The following ARHGEF2 variants were observed in gnomAD, a reference collection of about 807,000 sequenced individuals.
ARHGEF2 encodes the protein rho guanine nucleotide exchange factor 2.
In ARHGEF2, 22 loss-of-function variants were observed where a neutral mutation model predicts 121.0. The observed-to-expected ratio is 0.18, with a 90% confidence interval of 0.13 to 0.26. The LOEUF (loss-of-function observed/expected upper bound fraction) is 0.26. ARHGEF2 is among the 10% of genes least tolerant of loss of function. The probability of loss-of-function intolerance (pLI) is 1.00; values close to 1 mark genes in which losing one functional copy is unlikely to be tolerated. For missense variants in ARHGEF2, 907 were observed against 1,336.0 expected (o/e 0.68, Z 5.01); for synonymous variants, 487 against 530.0 (o/e 0.92, Z 1.11).
chr1:155,947,761 G>A lies in ARHGEF2; in HGVS notation c.*181C>T, dbSNP rs553411847. On this transcript the variant is annotated 3_prime_UTR_variant, in exon 22 of 22. Transcript: ENST00000361247. ...GTAGCTTTCGGATGTCCCAGGGGGT[G>A]TTGTGGCCTAATTCCCCTAGCTTCT... 1.2e-4 allele frequency: 66 copies of A among 564,048 alleles called. No homozygotes were observed. The highest frequency in any genetic ancestry group is 1.8e-4 in the Non-Finnish European group (56 of 313,566). The allele number at this position is 564,048 out of a possible 1,614,324, so 34.9% of individuals were successfully genotyped here.
rs775829804 is a variant in ARHGEF2, at chr1:155,962,482, C to T, written c.1101+111G>A. On this transcript the variant is annotated intron_variant, in intron 9 of 21. Transcript: ENST00000361247. The surrounding 1 kb of genome is among the most constrained non-coding windows in gnomAD (Gnocchi z 5.8). ...AGGATCTGTGTATGGATGGTCTGCA[C>T]GGGTGGCGAATGCCTGACCTCCATG... is the stretch of plus-strand genomic sequence containing the variant. 3.3e-5 allele frequency: 49 copies of T among 1,468,376 alleles called. No homozygotes were observed. The Admixed American group carries it at 4.1e-4, about 12-fold the overall frequency. 91.0% of individuals were successfully genotyped at this position (1,468,376 alleles called of 1,614,324 possible).
At position 155,951,126 on chromosome 1, in the gene ARHGEF2, C is replaced by A; in HGVS notation, c.2406G>T (p.Thr802=). Residue 802 remains threonine, a synonymous_variant, in exon 20 of 22, where the codon ACG becomes ACT. Transcript: ENST00000361247. The surrounding 1 kb of genome is among the most constrained non-coding windows in gnomAD (Gnocchi z 5.1). ...AAPVAPEKQA[T]ELALLQRQHA... Reference sequence around the variant, plus strand: ...GTTGCCGCTGCAGTAATGCCAGTTCCGTGGCCTGCTTTTCAGGGGCCACAG... The same window carrying A: ...GTTGCCGCTGCAGTAATGCCAGTTCAGTGGCCTGCTTTTCAGGGGCCACAG... 1 of 1,604,488 alleles carries A rather than the reference C, an allele frequency of 6.2e-7. No homozygotes were observed. Among genetic ancestry groups the A allele is most frequent in the East Asian group, 2.2e-5 (1 of 44,566 alleles).
intron 1 of ARHGEF2, among the ~76,000 whole-genome samples, chr1:155,977,511 G>C (rs990039721): frequency 1.3e-5 from 2 of 152,164 alleles, no homozygotes; most frequent in Non-Finnish European, 2.9e-5. Context: ...GAATGAGAGC[G>C]CTGGGGGAGG....
intron 1 of ARHGEF2, among the ~76,000 whole-genome samples, chr1:155,973,516 C>T (rs1179871427): frequency 1.3e-5 from 2 of 152,062 alleles, no homozygotes; most frequent in Admixed American, 6.6e-5. Flanking sequence ...GAGGCCGAGG[C>T]GGGCAGATCA....
chr1:155,965,889 A>G lies in ARHGEF2; in HGVS notation c.341-129T>C. On this transcript the variant is annotated intron_variant, in intron 4 of 21. Coordinates refer to ENST00000361247, the MANE Select transcript of ARHGEF2 (RefSeq NM_001162383.2). This position sits in a 1 kb window ranked among gnomAD's most constrained non-coding sequence, Gnocchi z 6.0. ...ACCTCAGCCCCTCTAGTCAAGAAAG[A>G]TGGTAATGAGAATGCCACCTTACAT... 2 of 1,183,456 alleles carry G rather than the reference A, an allele frequency of 1.7e-6. No individual in the cohort carries two copies. The highest frequency in any genetic ancestry group is 1.1e-6 in the Non-Finnish European group (1 of 883,018). 73.3% of individuals were successfully genotyped at this position (1,183,456 alleles called of 1,614,324 possible). A position where few individuals can be genotyped will look rare whatever the true frequency, so the allele number is the denominator to read the frequency against.
In ARHGEF2 at chr1:155,946,877, C is replaced by T. The variant is rs937701139; in HGVS notation, c.*1065G>A. On this transcript the variant is annotated 3_prime_UTR_variant, in exon 22 of 22. Coordinates refer to ENST00000361247, the MANE Select transcript of ARHGEF2 (RefSeq NM_001162383.2). ...TATGGAGTTCCAGGTTTTTAATTTT[C>T]CCTGAATTTTTTTTTTAAACAACAA... 2 of 154,358 alleles carry T rather than the reference C, an allele frequency of 1.3e-5. No individual in the cohort carries two copies. Among genetic ancestry groups the T allele is most frequent in the Non-Finnish European group, 2.9e-5 (2 of 69,512 alleles). 9.6% of individuals were successfully genotyped at this position (154,358 alleles called of 1,614,324 possible). A position where few individuals can be genotyped will look rare whatever the true frequency, so the allele number is the denominator to read the frequency against.
At chr1:155,954,693 C>T (rs1676323108) in intron 14 of ARHGEF2, among the ~76,000 whole-genome samples, 1 of 151,092 alleles carries the variant, frequency 6.6e-6, no homozygotes, top group Admixed American at 6.7e-5. Context: ...GTAAGTTACT[C>T]ACCCAACCTT....
intron 11 of ARHGEF2, among the ~76,000 whole-genome samples, chr1:155,959,223 T>G (rs1677374930): frequency 6.6e-6 from 1 of 152,092 alleles, no homozygotes; most frequent in Non-Finnish European, 1.5e-5. Flanking sequence ...TACTTTTATT[T>G]TTTATTTATT....
At chr1:155,974,408 G>A (rs1680975262) in intron 1 of ARHGEF2, among the ~76,000 whole-genome samples, 1 of 152,192 alleles carries the variant, frequency 6.6e-6, no homozygotes, top group Non-Finnish European at 1.5e-5. Flanking sequence ...TACAGCAGAG[G>A]CGCCGTTGGC....
At chr1:155,976,060 C>A (rs1485715171) in intron 1 of ARHGEF2, among the ~76,000 whole-genome samples, 3 of 151,782 alleles carry the variant, frequency 2.0e-5, no homozygotes, top group Non-Finnish European at 4.4e-5. Flanking sequence ...GCAGGTTAAA[C>A]TTACATTCCT....
intron 1 of ARHGEF2, among the ~76,000 whole-genome samples, chr1:155,971,646 C>G (rs1023683477): frequency 6.6e-6 from 1 of 151,364 alleles, no homozygotes; most frequent in Non-Finnish European, 1.5e-5. Context: ...AACACCAAGT[C>G]CAAAAATCTC....
Position 155,950,755 on chromosome 1 carries a change from T to C in ARHGEF2, c.2703+74A>G. The C allele has an allele frequency of 7.0e-7, 1 of 1,425,022 alleles. No individual in the cohort carries two copies. The highest frequency in any genetic ancestry group is 9.5e-7 in the Non-Finnish European group (1 of 1,051,844). The allele number at this position is 1,425,022 out of a possible 1,614,324, so 88.3% of individuals were successfully genotyped here. ...ATTGCATTTGGGCTCAAATCCCCAATGGCCCAATTTCTTTCGGGCTCCATG... is the reference window on the plus strand; with the variant it reads ...ATTGCATTTGGGCTCAAATCCCCAACGGCCCAATTTCTTTCGGGCTCCATG... On this transcript the variant is annotated intron_variant, in intron 20 of 21. Coordinates refer to ENST00000361247, the MANE Select transcript of ARHGEF2 (RefSeq NM_001162383.2). The surrounding 1 kb of genome is among the most constrained non-coding windows in gnomAD (Gnocchi z 5.2).
chr1:155,972,391 G>A (rs1680634182), intron 1 of ARHGEF2: 8 of 440,226 alleles, frequency 1.8e-5, no homozygotes, highest in East Asian at 7.1e-5. Flanking sequence ...GAGGTTGCCT[G>A]TGCCCGCCCC....
chr1:155,955,983 C>T (rs1483288894), intron 13 of ARHGEF2, among the ~76,000 whole-genome samples: 2 of 152,190 alleles, frequency 1.3e-5, no homozygotes, highest in Non-Finnish European at 2.9e-5. Flanking sequence ...GCTGGGATTC[C>T]AGGTGTGAGC....
At chr1:155,972,190 G>T in intron 1 of ARHGEF2, 1 of 450,086 alleles carries the variant, frequency 2.2e-6, no homozygotes. Context: ...CCTCTCTCTG[G>T]CATCAATGCT....
intron 1 of ARHGEF2, among the ~76,000 whole-genome samples, chr1:155,971,216 G>C (rs1279121684): frequency 6.6e-6 from 1 of 151,986 alleles, no homozygotes; most frequent in African/African-American, 2.4e-5. Flanking sequence ...CTACCTACCC[G>C]GACCACTAGA....
Position 155,965,081 on chromosome 1 carries a change from C to G in ARHGEF2, c.631G>C (p.Asp211His). Reference sequence around the variant, plus strand: ...AGACTCCAAGAGTCAGCTGCAAAGTCCTTCTCATCCATCTCAAAGTCACTC... The same window carrying G: ...AGACTCCAAGAGTCAGCTGCAAAGTGCTTCTCATCCATCTCAAAGTCACTC... ...LMSDFEMDEK[D>H]FAADSWSLAV... Residue 211 changes from aspartate to histidine, a missense_variant, in exon 7 of 22, where the codon GAC becomes CAC. Transcript: ENST00000361247. The surrounding 1 kb of genome is among the most constrained non-coding windows in gnomAD (Gnocchi z 6.0). 12 of 1,614,086 alleles carry G rather than the reference C, an allele frequency of 7.4e-6. No homozygotes were observed. The highest frequency in any genetic ancestry group is 1.0e-5 in the Non-Finnish European group (12 of 1,180,008).
intron 15 of ARHGEF2, 44 bp downstream of exon 15, chr1:155,952,584 C>T (rs775367942): frequency 8.3e-6 from 13 of 1,560,810 alleles, no homozygotes; most frequent in African/African-American, 1.4e-5. Context: ...CATTCTGTGA[C>T]GGTGAGTGCT....
chr1:155,962,028 T>C lies in ARHGEF2; in HGVS notation c.1219+77A>G. The C allele has an allele frequency of 1.2e-6, 2 of 1,604,496 alleles. No individual in the cohort carries two copies. The highest frequency in any genetic ancestry group is 8.5e-7 in the Non-Finnish European group (1 of 1,172,720). On this transcript the variant is annotated intron_variant, in intron 10 of 21. Transcript: ENST00000361247. The surrounding 1 kb of genome is among the most constrained non-coding windows in gnomAD (Gnocchi z 5.8). Reference sequence around the variant, plus strand: ...AGGGTTTCACACCCGACCCCACCCTTCCTGTGGTCATACCGAGCCTTTCCT... The same window carrying C: ...AGGGTTTCACACCCGACCCCACCCTCCCTGTGGTCATACCGAGCCTTTCCT...
Sources: allele counts gnomAD v4.1 joint callset (sites outside exome capture counted in the v4.1 genomes callset), GRCh38; gene constraint gnomAD v4.1.1; non-coding constraint Gnocchi (gnomAD v3.1); transcripts MANE v1.5; gene names NCBI Gene and HGNC (gene_info 2026-07-23, HGNC 2026-07-21).